Variants in LRRC4C observed in about 807,000 individuals in gnomAD.
The protein encoded by LRRC4C is leucine-rich repeat-containing protein 4C.
A neutral mutation model predicts 33.6 loss-of-function variants in LRRC4C; 5 were observed. The ratio of observed to expected loss-of-function variants is 0.15; its 90% confidence interval spans 0.08 to 0.31. The LOEUF (loss-of-function observed/expected upper bound fraction) is 0.31, where lower values mean the gene tolerates loss of function less well. Ranked by LOEUF, LRRC4C falls within the 10% of genes least tolerant of loss-of-function variation. The probability of loss-of-function intolerance (pLI) is 1.00; values close to 1 mark genes in which losing one functional copy is unlikely to be tolerated. For missense variants in LRRC4C, 560 were observed against 796.7 expected (o/e 0.70, Z 3.58); for synonymous variants, 329 against 302.0 (o/e 1.09, Z -0.93).
At chr11:40,892,052 T>C (rs1955736261) in intron 2 of LRRC4C, among the ~76,000 whole-genome samples, 2 of 150,366 alleles carry the variant, frequency 1.3e-5, no homozygotes, top group South Asian at 4.2e-4. Flanking sequence ...GGAGAATAAC[T>C]TGAACCCGTG....
At chr11:40,696,795 C>T (rs1274617727) in intron 2 of LRRC4C, among the ~76,000 whole-genome samples, 2 of 133,676 alleles carry the variant, frequency 1.5e-5, no homozygotes, top group African/African-American at 5.7e-5. Flanking sequence ...TATATATACT[C>T]ATTCACCATT....
At chr11:41,288,714 A>G (rs1343943089) in intron 1 of LRRC4C, among the ~76,000 whole-genome samples, 1 of 152,138 alleles carries the variant, frequency 6.6e-6, no homozygotes, top group African/African-American at 2.4e-5. Flanking sequence ...TTCTCTTCTT[A>G]AGGTTTTACA....
chr11:41,316,502 T>C (rs1013835214), intron 1 of LRRC4C, among the ~76,000 whole-genome samples: 2 of 152,148 alleles, frequency 1.3e-5, no homozygotes, highest in African/African-American at 4.8e-5. Flanking sequence ...TCTGTTTTTA[T>C]ATATCACCTA....
intron 5 of LRRC4C, among the ~76,000 whole-genome samples, chr11:40,201,967 C>T (rs756983551): frequency 1.3e-5 from 2 of 152,110 alleles, no homozygotes; most frequent in Non-Finnish European, 2.9e-5. Context: ...GCCAAATTAA[C>T]ATATAATTTT....
chr11:40,799,295 T>C (rs1950951023), intron 2 of LRRC4C, among the ~76,000 whole-genome samples: 1 of 152,152 alleles, frequency 6.6e-6, no homozygotes, highest in Non-Finnish European at 1.5e-5. Context: ...TATGTGGATA[T>C]AAATGTATCA....
chr11:41,231,127 A>C (rs1339171677), intron 1 of LRRC4C, among the ~76,000 whole-genome samples: 9 of 152,084 alleles, frequency 5.9e-5, no homozygotes, highest in Non-Finnish European at 8.8e-5. Flanking sequence ...GGTGCTGGAG[A>C]GGATGTGGAG....
intron 3 of LRRC4C, among the ~76,000 whole-genome samples, chr11:40,336,800 C>A (rs987265616): frequency 7.9e-5 from 12 of 151,744 alleles, no homozygotes; most frequent in African/African-American, 2.9e-4. Flanking sequence ...CACGGTGAAA[C>A]CCCATCTCTA....
intron 3 of LRRC4C, among the ~76,000 whole-genome samples, chr11:40,551,188 G>T (rs1390176): frequency 0.37 from 55,783 of 151,694 alleles, 11,293 homozygotes; most frequent in East Asian, 0.65. Context: ...CATTACAAGA[G>T]CTATGGTTAA....
At chr11:40,254,303 G>A (rs1867026980) in intron 4 of LRRC4C, among the ~76,000 whole-genome samples, 1 of 152,220 alleles carries the variant, frequency 6.6e-6, no homozygotes, top group South Asian at 2.1e-4. Flanking sequence ...AGTAGACTTA[G>A]ATGGAAGGTA....
At chr11:41,127,352 C>G (rs571754581) in intron 1 of LRRC4C, among the ~76,000 whole-genome samples, 136 of 151,382 alleles carry the variant, frequency 9.0e-4, no homozygotes, top group Middle Eastern at 3.4e-3. Flanking sequence ...TCTTCCTCTT[C>G]TTCTTTTAAA....
At chr11:40,186,521 C>G (rs760849024) in intron 5 of LRRC4C, among the ~76,000 whole-genome samples, 1 of 152,146 alleles carries the variant, frequency 6.6e-6, no homozygotes, top group Non-Finnish European at 1.5e-5. Flanking sequence ...CTTACAGTCT[C>G]TAGTGCAGCT....
intron 2 of LRRC4C, among the ~76,000 whole-genome samples, chr11:40,760,233 T>C (rs1390425919): frequency 6.6e-6 from 1 of 152,070 alleles, no homozygotes; most frequent in Non-Finnish European, 1.5e-5. Flanking sequence ...TGACATTGAG[T>C]AATTTTATGA....
chr11:40,122,887 G>T (rs61911786), intron 6 of LRRC4C, among the ~76,000 whole-genome samples: 9,483 of 145,636 alleles, frequency 0.065, 418 homozygotes, highest in Non-Finnish European at 0.092. Flanking sequence ...TATATATATA[G>T]ATAGATATAG....
In LRRC4C at chr11:41,257,077, G is replaced by A. The variant is rs373245978; in HGVS notation, c.-496+202354C>T. Among the ~76,000 whole-genome samples the A allele has an allele frequency of 2.1e-4, 32 of 152,060 alleles. 2 individuals carry two copies. The East Asian group carries it at 2.9e-3, about 14-fold the overall frequency. On this transcript the variant is annotated intron_variant, in intron 1 of 6. Coordinates refer to ENST00000528697, the MANE Select transcript of LRRC4C (RefSeq NM_001258419.2). ...AAATATCAAACAACCAAACCACCAT[G>A]AACACCCATGAGTGTTCAGGGTTTG...
intron 1 of LRRC4C, among the ~76,000 whole-genome samples, chr11:41,154,995 G>A (rs1944163839): frequency 6.6e-6 from 1 of 152,136 alleles, no homozygotes; most frequent in Non-Finnish European, 1.5e-5. Context: ...TGATGACGTG[G>A]GGGTAAGAAG....
chr11:40,646,635 C>CT (rs1942477651), intron 3 of LRRC4C, among the ~76,000 whole-genome samples: 1 of 152,174 alleles, frequency 6.6e-6, no homozygotes, highest in African/African-American at 2.4e-5. Context: ...GAGACGGACT[C>CT]TTGCTCTGCC....
intron 3 of LRRC4C, among the ~76,000 whole-genome samples, chr11:40,393,595 C>T (rs1427945937): frequency 6.6e-6 from 1 of 152,136 alleles, no homozygotes; most frequent in Non-Finnish European, 1.5e-5. Context: ...TAACTCGGTA[C>T]TTAACTTCGG....
At chr11:40,787,415 T>C (rs1365989429) in intron 2 of LRRC4C, among the ~76,000 whole-genome samples, 1 of 152,144 alleles carries the variant, frequency 6.6e-6, no homozygotes, top group African/African-American at 2.4e-5. Flanking sequence ...GAGAGGCCTC[T>C]ATGCGACTAT....
chr11:40,520,742 C>G (rs1354588722), intron 3 of LRRC4C, among the ~76,000 whole-genome samples: 1 of 152,098 alleles, frequency 6.6e-6, no homozygotes, highest in Non-Finnish European at 1.5e-5. Context: ...TTATTGGACA[C>G]AGGATTACCA....
Sources: gnomAD v4.1 joint callset for allele counts (sites outside exome capture counted in the v4.1 genomes callset) on GRCh38, gnomAD v4.1.1 for gene constraint, MANE v1.5 for transcripts, NCBI Gene and HGNC (gene_info 2026-07-23, HGNC 2026-07-21) for gene names.